Variants in DOCK1 observed in about 807,000 individuals in gnomAD.
DOCK1 encodes the protein dedicator of cytokinesis 1, also known as dedicator of cytokinesis protein 1.
Under a neutral mutation model 262.7 loss-of-function variants are expected in DOCK1, and 138 were observed. The observed-to-expected ratio is 0.53, with a 90% CI of 0.46 to 0.61. DOCK1 has a LOEUF of 0.61. Among genes scored for constraint, DOCK1 ranks in the 20% least tolerant of loss-of-function variants. The pLI is 0.00. For missense variants in DOCK1, 1,908 were observed against 2,370.7 expected, an observed-to-expected ratio of 0.80 and a Z score of 4.05; for synonymous variants, 866 against 867.4, an observed-to-expected ratio of 1.00 and a Z score of 0.03.
chr10:127,268,540 A>G (rs2060454389), intron 29 of DOCK1, among the ~76,000 whole-genome samples: 1 of 151,650 alleles, frequency 6.6e-6, no homozygotes, highest in African/African-American at 2.4e-5. Flanking sequence ...AAAGAAAGAA[A>G]GAAATATATG....
chr10:127,002,002 C>T (rs1378701521), intron 10 of DOCK1, among the ~76,000 whole-genome samples: 7 of 152,174 alleles, frequency 4.6e-5, no homozygotes, highest in Admixed American at 1.3e-4. Context: ...GGACCACAGG[C>T]ACATGCCGTG....
chr10:127,400,200 A>G lies in DOCK1; in HGVS notation c.3928-2855A>G, dbSNP rs183888013. Among the ~76,000 whole-genome samples, 1,017 of 149,530 alleles carry G rather than the reference A, an allele frequency of 6.8e-3. 11 individuals are homozygous for G. The highest frequency in any genetic ancestry group is 0.01 in the Non-Finnish European group (682 of 67,298). On this transcript the variant is annotated intron_variant, in intron 38 of 51. Coordinates refer to ENST00000623213, the MANE Select transcript of DOCK1 (RefSeq NM_001290223.2). ...ACTCTCATCAAAAAAAAAAAAAAGCAGATGGTTTCTTTACGTCGTGGCTAT... is the reference window on the plus strand; with the variant it reads ...ACTCTCATCAAAAAAAAAAAAAAGCGGATGGTTTCTTTACGTCGTGGCTAT...
At chr10:127,341,306 C>G (rs1340285880) in intron 30 of DOCK1, among the ~76,000 whole-genome samples, 2 of 152,132 alleles carry the variant, frequency 1.3e-5, no homozygotes, top group Non-Finnish European at 2.9e-5. Flanking sequence ...AATCCTTATA[C>G]CTTTGTACCC....
chr10:126,969,330 AC>A (rs144015491), intron 1 of DOCK1, among the ~76,000 whole-genome samples: 2,366 of 152,312 alleles, frequency 0.016, 26 homozygotes, highest in Non-Finnish European at 0.023. Flanking sequence ...GAACGTGAAC[AC>A]CAGGAGGCTG....
chr10:127,018,604 T>C (rs1234792078), intron 12 of DOCK1, 106 bp from the exon 13 acceptor site: 61 of 1,556,120 alleles, frequency 3.9e-5, no homozygotes, highest in Non-Finnish European at 4.8e-5. Flanking sequence ...TCTCAAGATG[T>C]TGAATTGTGA....
intron 29 of DOCK1, among the ~76,000 whole-genome samples, chr10:127,259,558 C>T (rs2134980138): frequency 6.6e-6 from 1 of 152,242 alleles, no homozygotes. Flanking sequence ...GGAGGCGGCC[C>T]GTGTGGATGC....
At chr10:127,317,430 A>G (rs2062332683) in intron 29 of DOCK1, among the ~76,000 whole-genome samples, 1 of 152,214 alleles carries the variant, frequency 6.6e-6, no homozygotes, top group African/African-American at 2.4e-5. Flanking sequence ...ATATTCATGC[A>G]GGTGATTTGC....
At chr10:126,940,070 T>C (rs2034873653) in intron 1 of DOCK1, among the ~76,000 whole-genome samples, 1 of 152,230 alleles carries the variant, frequency 6.6e-6, no homozygotes, top group Non-Finnish European at 1.5e-5. Flanking sequence ...CTAGTGCCTT[T>C]CCAACCTTTG....
At chr10:127,063,935 G>A (rs2045697705) in intron 23 of DOCK1, among the ~76,000 whole-genome samples, 1 of 152,102 alleles carries the variant, frequency 6.6e-6, no homozygotes, top group South Asian at 2.1e-4. Flanking sequence ...GTTTTATTAG[G>A]CATGTCACCT....
chr10:127,012,388 T>A lies in DOCK1; in HGVS notation c.1201+14T>A. 6.2e-7 allele frequency: 1 copy of A among 1,613,514 alleles called. No individual in the cohort carries two copies. The highest frequency in any genetic ancestry group is 8.5e-7 in the Non-Finnish European group (1 of 1,179,452). On this transcript the variant is annotated intron_variant, in intron 12 of 51. Transcript: ENST00000623213. This position sits in a 1 kb window ranked among gnomAD's most constrained non-coding sequence, Gnocchi z 4.0. ...ACAAGGGGCAGGGTACGTATTTTCC[T>A]ATTTTGTTTCTATCAGCGTGTATTT...
At chr10:127,396,836 G>C (rs1366297416) in intron 38 of DOCK1, among the ~76,000 whole-genome samples, 1 of 152,050 alleles carries the variant, frequency 6.6e-6, no homozygotes, top group East Asian at 1.9e-4. Flanking sequence ...TGACTAATAA[G>C]GACTTGCCGT....
Position 126,928,209 on chromosome 10 carries a change from G to A in DOCK1, c.46+22646G>A, listed in dbSNP as rs1036474975. On this transcript the variant is annotated intron_variant, in intron 1 of 51. Coordinates refer to ENST00000623213, the MANE Select transcript of DOCK1 (RefSeq NM_001290223.2). Reference sequence around the variant, plus strand: ...GAAAGGACTCGGAGCCTCCCAGGTCGAATAAGGGCCTGGAGGAACAGCATG... The same window carrying A: ...GAAAGGACTCGGAGCCTCCCAGGTCAAATAAGGGCCTGGAGGAACAGCATG... Among the ~76,000 whole-genome samples, 29 of 152,294 alleles carry A rather than the reference G, an allele frequency of 1.9e-4. No homozygotes were observed. In the East Asian group the frequency reaches 5.4e-3, roughly 28 times the overall value.
Position 127,433,017 on chromosome 10 carries a change from G to A in DOCK1, c.4915-266G>A, listed in dbSNP as rs150990543. Among the ~76,000 whole-genome samples, 423 of 152,240 alleles carry A rather than the reference G, an allele frequency of 2.8e-3. 5 individuals are homozygous for A. The highest frequency in any genetic ancestry group is 9.6e-3 in the African/African-American group (397 of 41,542). Reference sequence around the variant, plus strand: ...TGGCTTTGGAATGTGTTGACGCATCGCGGTCTTTGAAGAAAACTTGCACTG... The same window carrying A: ...TGGCTTTGGAATGTGTTGACGCATCACGGTCTTTGAAGAAAACTTGCACTG... On this transcript the variant is annotated intron_variant, in intron 47 of 51. Coordinates refer to ENST00000623213, the MANE Select transcript of DOCK1 (RefSeq NM_001290223.2).
At chr10:127,395,704 G>A (rs866722994) in intron 38 of DOCK1, among the ~76,000 whole-genome samples, 12 of 152,304 alleles carry the variant, frequency 7.9e-5, no homozygotes, top group African/African-American at 2.6e-4. Flanking sequence ...GAGACGAGGG[G>A]TGGGGCATTG....
At chr10:127,263,937 C>A (rs1307248687) in intron 29 of DOCK1, among the ~76,000 whole-genome samples, 1 of 152,140 alleles carries the variant, frequency 6.6e-6, no homozygotes, top group African/African-American at 2.4e-5. Context: ...TAGGAATGAC[C>A]TGGTAGGAAG....
At chr10:127,030,276 C>T (rs1199112286) in intron 16 of DOCK1, among the ~76,000 whole-genome samples, 1 of 152,178 alleles carries the variant, frequency 6.6e-6, no homozygotes, top group Non-Finnish European at 1.5e-5. Context: ...TGTTTCTGTG[C>T]TCTGCTGGGA....
chr10:126,967,794 C>T (rs1322155651), intron 1 of DOCK1, among the ~76,000 whole-genome samples: 5 of 152,150 alleles, frequency 3.3e-5, no homozygotes, highest in East Asian at 1.9e-4. Context: ...CCAGGATTAA[C>T]GCTCATCTCA....
At chr10:126,968,593 G>T (rs117941840) in intron 1 of DOCK1, among the ~76,000 whole-genome samples, 149,738 of 152,324 alleles carry the variant, frequency 0.98, 73,611 homozygotes, top group East Asian at 1. Context: ...CAAATTCACA[G>T]GTGCTTGAAT....
rs563254975 is a variant in DOCK1, at chr10:126,912,529, C to A, written c.46+6966C>A. Among the ~76,000 whole-genome samples, 208 of 150,552 alleles carry A rather than the reference C, an allele frequency of 1.4e-3. 2 individuals carry two copies. The highest frequency in any genetic ancestry group is 5.5e-3 in the South Asian group (26 of 4,732). ...ATCACGAGGTCAGTAGATCGAGACC[C>A]TCCCGGCTAACACGGTGAAACCCTG... is the stretch of plus-strand genomic sequence containing the variant. On this transcript the variant is annotated intron_variant, in intron 1 of 51. Coordinates refer to ENST00000623213, the MANE Select transcript of DOCK1 (RefSeq NM_001290223.2).
Sources: allele counts gnomAD v4.1 joint callset (sites outside exome capture counted in the v4.1 genomes callset), GRCh38; gene constraint gnomAD v4.1.1; non-coding constraint Gnocchi (gnomAD v3.1); transcripts MANE v1.5; gene names NCBI Gene and HGNC (gene_info 2026-07-23, HGNC 2026-07-21).